The following SPEF2 variants were observed in gnomAD, a reference collection of about 807,000 sequenced individuals.
The protein encoded by SPEF2 is sperm flagella and cilia-associated protein 2.
In SPEF2, 187 loss-of-function variants were observed where a neutral mutation model predicts 224.6. The ratio of observed to expected loss-of-function variants is 0.83; its 90% CI spans 0.74 to 0.94. The LOEUF (loss-of-function observed/expected upper bound fraction) is 0.94, where lower values mean the gene tolerates loss of function less well. Ranked by LOEUF, SPEF2 falls within the 40% of genes least tolerant of loss-of-function variation. The pLI, the probability that SPEF2 is intolerant of heterozygous loss-of-function variation, is 0.00. For synonymous variants in SPEF2, 715 were observed against 707.3 expected (o/e 1.01, Z -0.17); for missense variants, 2,170 against 2,135.6 (o/e 1.02, Z -0.32).
Position 35,645,928 on chromosome 5 carries a change from T to G in SPEF2, c.586-739T>G, listed in dbSNP as rs1747307851. Among the ~76,000 whole-genome samples, 3 of 152,128 alleles carry G rather than the reference T, an allele frequency of 2.0e-5. No individual in the cohort carries two copies. In the South Asian group the frequency reaches 6.2e-4, roughly 32 times the overall value. On this transcript the variant is annotated intron_variant, in intron 4 of 36. Coordinates refer to ENST00000356031, the MANE Select transcript of SPEF2 (RefSeq NM_024867.4). Reference sequence around the variant, plus strand: ...TAAGGGTAAATTGAAATTTTTTATCTTTGGACATGAGAGCTAATGATCATA... The same window carrying G: ...TAAGGGTAAATTGAAATTTTTTATCGTTGGACATGAGAGCTAATGATCATA...
At chr5:35,708,607 T>A (rs116018018) in intron 18 of SPEF2, among the ~76,000 whole-genome samples, 61,940 of 81,914 alleles carry the variant, frequency 0.76, 21,079 homozygotes, top group Middle Eastern at 0.83. Context: ...CACCACAGAC[T>A]TCACCACCTC....
At chr5:35,690,960 T>C in intron 10 of SPEF2, 77 bp from the exon 11 acceptor site, 1 of 1,222,760 alleles carries the variant, frequency 8.2e-7, no homozygotes, top group Non-Finnish European at 1.1e-6. Context: ...TGGATTTACT[T>C]TTAACATTTA....
chr5:35,691,500 A>G (rs1754476062), intron 11 of SPEF2, among the ~76,000 whole-genome samples: 1 of 152,260 alleles, frequency 6.6e-6, no homozygotes, highest in African/African-American at 2.4e-5. Flanking sequence ...AAAGCCAGAC[A>G]CAAAAGGTCA....
intron 36 of SPEF2, chr5:35,808,039 A>G: frequency 8.7e-7 from 1 of 1,155,178 alleles, no homozygotes. Context: ...TCACTTTGAT[A>G]GAATGTAGAT....
At chr5:35,708,660 T>TCTTCCTCCACC in intron 18 of SPEF2, among the ~76,000 whole-genome samples, 1 of 119,034 alleles carries the variant, frequency 8.4e-6, no homozygotes, top group South Asian at 2.9e-4. Context: ...CCACCACCAC[T>TCTTCCTCCACC]ACCACCAGCA....
intron 32 of SPEF2, among the ~76,000 whole-genome samples, chr5:35,793,943 G>A (rs1454179472): frequency 6.6e-6 from 1 of 152,218 alleles, no homozygotes; most frequent in Non-Finnish European, 1.5e-5. Flanking sequence ...TTGAATTTAT[G>A]AATGTATGAG....
chr5:35,697,971 G>A (rs1042556117), intron 15 of SPEF2, 178 bp downstream of exon 15: 41 of 458,664 alleles, frequency 8.9e-5, no homozygotes, highest in Middle Eastern at 6.0e-4. Context: ...CCTATATTCC[G>A]CTTCTTCTCC....
Position 35,707,836 on chromosome 5 carries a change from A to T in SPEF2, c.2666-1112A>T, listed in dbSNP as rs76662882. On this transcript the variant is annotated intron_variant, in intron 18 of 36. Transcript: ENST00000356031. ...TGGCTTGCTTCATGTCTTTGCTCAGATGTCACCTTATGGTTGGGCATACTC... is the reference window on the plus strand; with the variant it reads ...TGGCTTGCTTCATGTCTTTGCTCAGTTGTCACCTTATGGTTGGGCATACTC... Among the ~76,000 whole-genome samples, 1,211 of 152,256 alleles carry T rather than the reference A, an allele frequency of 8.0e-3. 16 individuals carry two copies. Among genetic ancestry groups the T allele is most frequent in the African/African-American group, 0.028 (1,178 of 41,548 alleles).
At chr5:35,803,990 G>A (rs1225809203) in intron 34 of SPEF2, among the ~76,000 whole-genome samples, 5 of 152,208 alleles carry the variant, frequency 3.3e-5, no homozygotes, top group African/African-American at 1.2e-4. Flanking sequence ...TGACATTTGG[G>A]AAAATGGTTC....
At position 35,633,444 on chromosome 5, in the gene SPEF2, T is replaced by A. The variant is rs185239306; in HGVS notation, c.161+4882T>A. Among the ~76,000 whole-genome samples, 8 of 152,240 alleles carry A rather than the reference T, an allele frequency of 5.3e-5. No homozygotes were observed. In the East Asian group the frequency reaches 1.3e-3, roughly 26 times the overall value. ...AAGTCAATTTTGCCTGATACTATAGTCACTCTAGTCCTGTTTTGGTTATTA... is the reference window on the plus strand; with the variant it reads ...AAGTCAATTTTGCCTGATACTATAGACACTCTAGTCCTGTTTTGGTTATTA... On this transcript the variant is annotated intron_variant, in intron 2 of 36. Transcript: ENST00000356031.
chr5:35,809,445 TCTTG>T (rs1758403066), intron 36 of SPEF2, among the ~76,000 whole-genome samples: 1 of 151,944 alleles, frequency 6.6e-6, no homozygotes, highest in Non-Finnish European at 1.5e-5. Context: ...ATAAGCTAGG[TCTTG>T]AACGATAGCC....
At chr5:35,739,874 A>T in intron 21 of SPEF2, 45 bp from the exon 22 acceptor site, 6 of 1,604,050 alleles carry the variant, frequency 3.7e-6, no homozygotes, top group Non-Finnish European at 5.1e-6. Context: ...ATTCAGAAGA[A>T]CTTTCATTTT....
intron 23 of SPEF2, among the ~76,000 whole-genome samples, chr5:35,745,793 C>T (rs1748423691): frequency 6.6e-6 from 1 of 152,224 alleles, no homozygotes; most frequent in African/African-American, 2.4e-5. Flanking sequence ...GCCCAGCCCA[C>T]CGCTGGTCCC....
chr5:35,711,167 A>G (rs1741031530), intron 19 of SPEF2, among the ~76,000 whole-genome samples: 1 of 152,214 alleles, frequency 6.6e-6, no homozygotes, highest in Admixed American at 6.5e-5. Flanking sequence ...ACATCTAATT[A>G]CAATCTTCAG....
chr5:35,713,752 A>ATATATAGTATATATATTATATATAGTAT (rs1741723530), intron 20 of SPEF2, among the ~76,000 whole-genome samples: 1 of 12,212 alleles, frequency 8.2e-5, no homozygotes, highest in African/African-American at 2.2e-4. Flanking sequence ...TATATATTTT[A>ATATATAGTATATATATTATATATAGTAT]TATATATTTT....
intron 33 of SPEF2, among the ~76,000 whole-genome samples, chr5:35,799,348 G>GC (rs1757111105): frequency 6.6e-6 from 1 of 152,168 alleles, no homozygotes; most frequent in Non-Finnish European, 1.5e-5. Context: ...TCCTCATGCT[G>GC]CCAAATGCAC....
chr5:35,699,853 A>G (rs1291484592), intron 15 of SPEF2: 1 of 152,418 alleles, frequency 6.6e-6, no homozygotes, highest in Non-Finnish European at 1.5e-5. Flanking sequence ...ATTGTAAGAG[A>G]TAACAAGTTA....
intron 36 of SPEF2, among the ~76,000 whole-genome samples, chr5:35,812,499 G>A (rs965019292): frequency 6.6e-6 from 1 of 152,176 alleles, no homozygotes; most frequent in East Asian, 1.9e-4. Flanking sequence ...AAGAAGATCA[G>A]TGAGGATATT....
intron 23 of SPEF2, among the ~76,000 whole-genome samples, chr5:35,747,065 A>T (rs1200141664): frequency 1.3e-5 from 2 of 152,172 alleles, no homozygotes; most frequent in Non-Finnish European, 1.5e-5. Context: ...TCTATCAAGC[A>T]AAACTAAGCA....
Sources: allele counts gnomAD v4.1 joint callset (sites outside exome capture counted in the v4.1 genomes callset), GRCh38; gene constraint gnomAD v4.1.1; transcripts MANE v1.5; gene names NCBI Gene and HGNC (gene_info 2026-07-23, HGNC 2026-07-21).